Variants in XYLT1 observed in about 807,000 individuals in gnomAD.
The protein encoded by XYLT1 is xylosyltransferase 1.
A neutral mutation model predicts 91.3 loss-of-function variants in XYLT1; 36 were observed. The observed-to-expected ratio is 0.39, with a 90% CI of 0.30 to 0.52. The LOEUF (loss-of-function observed/expected upper bound fraction) is 0.52, where lower values mean the gene tolerates loss of function less well. Ranked by LOEUF, XYLT1 falls within the 20% of genes least tolerant of loss-of-function variation. The pLI, the probability that XYLT1 is intolerant of heterozygous loss-of-function variation, is 0.68. For synonymous variants in XYLT1, 588 were observed against 532.0 expected, an observed-to-expected ratio of 1.11 and a Z score of -1.45; for missense variants, 1,242 against 1,284.5, an observed-to-expected ratio of 0.97 and a Z score of 0.51.
chr16:17,327,165 C>T (rs967624720), intron 2 of XYLT1, among the ~76,000 whole-genome samples: 3 of 152,144 alleles, frequency 2.0e-5, no homozygotes, highest in African/African-American at 7.2e-5. Flanking sequence ...ATCATCACAC[C>T]TTGAACACAT....
intron 5 of XYLT1, chr16:17,192,790 A>G (rs990546355): frequency 1.4e-5 from 2 of 141,874 alleles, no homozygotes; most frequent in African/African-American, 2.6e-5. Context: ...TCTCACGTCT[A>G]TCTTTGCTTT....
chr16:17,205,828 C>T (rs1013448742), intron 3 of XYLT1, among the ~76,000 whole-genome samples: 9 of 152,196 alleles, frequency 5.9e-5, no homozygotes, highest in Admixed American at 4.6e-4. Flanking sequence ...AATAGTTACT[C>T]TACCAACAAA....
chr16:17,429,402 C>G (rs919448663), intron 1 of XYLT1, among the ~76,000 whole-genome samples: 1 of 152,198 alleles, frequency 6.6e-6, no homozygotes, highest in Non-Finnish European at 1.5e-5. Flanking sequence ...GTTAACTCAA[C>G]GGCAAGTATG....
chr16:17,280,986 C>T (rs566103813), intron 2 of XYLT1, among the ~76,000 whole-genome samples: 4 of 152,278 alleles, frequency 2.6e-5, no homozygotes, highest in African/African-American at 9.6e-5. Flanking sequence ...GGTGCCCACA[C>T]GGGAGATACT....
Position 17,127,673 on chromosome 16 carries a change from A to G in XYLT1, c.2216T>C (p.Phe739Ser). The G allele has an allele frequency of 6.2e-7, 1 of 1,613,294 alleles. No individual in the cohort carries two copies. Among genetic ancestry groups the G allele is most frequent in the Non-Finnish European group, 8.5e-7 (1 of 1,179,806 alleles). Residue 739 changes from phenylalanine (F) to serine (S), a missense_variant, in exon 10 of 12, where the codon TTT (phenylalanine) becomes TCT (serine). Transcript: ENST00000261381. ...CAAGACCTGGCCTCTTACCTCGGAAAACTGAAGCCTCCCAAAGTCACTGGG... is the reference window on the plus strand; with the variant it reads ...CAAGACCTGGCCTCTTACCTCGGAAGACTGAAGCCTCCCAAAGTCACTGGG... ...SPPSDFGRLQ[F>S]SEVGTDWDAK...
chr16:17,267,708 C>T (rs2033827995), intron 2 of XYLT1, among the ~76,000 whole-genome samples: 1 of 152,196 alleles, frequency 6.6e-6, no homozygotes, highest in Admixed American at 6.5e-5. Flanking sequence ...CACGCCCGGC[C>T]AAGACTGAGA....
chr16:17,124,966 A>C (rs368106688), intron 10 of XYLT1, among the ~76,000 whole-genome samples: 1 of 152,046 alleles, frequency 6.6e-6, no homozygotes, highest in African/African-American at 2.4e-5. Flanking sequence ...TATTTAGGCT[A>C]TATTTCACTG....
At chr16:17,151,683 A>G (rs905400685) in intron 6 of XYLT1, among the ~76,000 whole-genome samples, 1 of 152,154 alleles carries the variant, frequency 6.6e-6, no homozygotes, top group Non-Finnish European at 1.5e-5. Context: ...TTGACATTCA[A>G]GGATGATGAT....
chr16:17,114,080 C>T (rs1966847541), intron 11 of XYLT1, among the ~76,000 whole-genome samples: 5 of 151,986 alleles, frequency 3.3e-5, no homozygotes, highest in Admixed American at 1.3e-4. Context: ...CAGATTCATC[C>T]ACCTGTTGGG....
chr16:17,307,633 A>G (rs181089575), intron 2 of XYLT1, among the ~76,000 whole-genome samples: 4 of 152,338 alleles, frequency 2.6e-5, no homozygotes, highest in Non-Finnish European at 4.4e-5. Context: ...TACATCTTTC[A>G]TAAGAGGGCT....
intron 8 of XYLT1, among the ~76,000 whole-genome samples, chr16:17,135,905 TCATTTATAGAAG>T (rs1348895941): frequency 6.6e-6 from 1 of 152,196 alleles, no homozygotes; most frequent in African/African-American, 2.4e-5. Flanking sequence ...CAACTAAACT[TCATTTATAGAAG>T]CAGGCAGTGG....
At chr16:17,180,866 T>C (rs72777729) in intron 5 of XYLT1, among the ~76,000 whole-genome samples, 11,019 of 152,176 alleles carry the variant, frequency 0.072, 495 homozygotes, top group Middle Eastern at 0.13. Flanking sequence ...GCTCTCTGCG[T>C]TGGCTTCTGT....
At chr16:17,389,836 G>A (rs1596519935) in intron 1 of XYLT1, among the ~76,000 whole-genome samples, 1 of 152,316 alleles carries the variant, frequency 6.6e-6, no homozygotes, top group African/African-American at 2.4e-5. Context: ...TCAGTGGCAT[G>A]CAAACCTGTT....
intron 1 of XYLT1, among the ~76,000 whole-genome samples, chr16:17,458,917 G>T (rs533499341): frequency 3.3e-5 from 5 of 151,932 alleles, no homozygotes; most frequent in Admixed American, 6.6e-5. Context: ...ATTCACCCAA[G>T]AAGAAGAGAG....
intron 3 of XYLT1, among the ~76,000 whole-genome samples, chr16:17,232,120 A>G (rs1223638311): frequency 6.9e-6 from 1 of 145,080 alleles, no homozygotes; most frequent in Non-Finnish European, 1.5e-5. Flanking sequence ...ATAATTATAT[A>G]TATTATAATA....
chr16:17,164,542 A>G (rs1394237086), intron 5 of XYLT1, among the ~76,000 whole-genome samples: 2 of 152,124 alleles, frequency 1.3e-5, no homozygotes, highest in Admixed American at 6.5e-5. Context: ...TCTCTCTTCT[A>G]TAGCCCCTGG....
chr16:17,262,467 C>A (rs888074206), intron 2 of XYLT1, among the ~76,000 whole-genome samples: 1 of 152,180 alleles, frequency 6.6e-6, no homozygotes, highest in Admixed American at 6.5e-5. Context: ...AGTTCCCCTG[C>A]AGTGGAATAA....
chr16:17,293,166 C>T (rs114165408), intron 2 of XYLT1, among the ~76,000 whole-genome samples: 2,118 of 152,226 alleles, frequency 0.014, 58 homozygotes, highest in African/African-American at 0.048. Flanking sequence ...GATTCTCTGT[C>T]GGCTACCCCC....
chr16:17,469,983 C>T (rs1170466826), intron 1 of XYLT1, among the ~76,000 whole-genome samples: 3 of 152,146 alleles, frequency 2.0e-5, no homozygotes, highest in African/African-American at 7.2e-5. Flanking sequence ...ACAGAGGGCT[C>T]AACTGTCTGC....
Sources: gnomAD v4.1 joint callset for allele counts (sites outside exome capture counted in the v4.1 genomes callset) on GRCh38, gnomAD v4.1.1 for gene constraint, MANE v1.5 for transcripts, NCBI Gene and HGNC (gene_info 2026-07-23, HGNC 2026-07-21) for gene names.